Variants in SDF4 observed in about 807,000 individuals in gnomAD.
The protein encoded by SDF4 is 45 kDa calcium-binding protein.
SDF4 carries 22 observed loss-of-function variants against 34.2 expected under a neutral mutation model. The observed-to-expected ratio is 0.64, with a 90% CI of 0.46 to 0.92. The LOEUF (loss-of-function observed/expected upper bound fraction) is 0.92, where lower values mean the gene tolerates loss of function less well. SDF4 is among the 40% of genes least tolerant of loss of function. The probability of loss-of-function intolerance (pLI) is 0.00; values close to 1 mark genes in which losing one functional copy is unlikely to be tolerated. For synonymous variants in SDF4, 236 were observed against 203.1 expected (o/e 1.16, Z -1.38); for missense variants, 447 against 499.9 (o/e 0.89, Z 1.01).
At chr1:1,229,782 A>G (rs1316902335) in intron 1 of SDF4, among the ~76,000 whole-genome samples, 1 of 152,160 alleles carries the variant, frequency 6.6e-6, no homozygotes, top group Non-Finnish European at 1.5e-5. Flanking sequence ...ACTAAGAAAC[A>G]GGAGGCTCCC....
intron 1 of SDF4, among the ~76,000 whole-genome samples, chr1:1,231,181 C>CTATT (rs1165202117): frequency 1.3e-5 from 2 of 152,234 alleles, no homozygotes; most frequent in Non-Finnish European, 2.9e-5. Flanking sequence ...TTCAGAGTAT[C>CTATT]TATTCATCAC....
At chr1:1,230,462 A>ATT (rs553378637) in intron 1 of SDF4, among the ~76,000 whole-genome samples, 28 of 144,026 alleles carry the variant, frequency 1.9e-4, no homozygotes, top group South Asian at 4.4e-4. Context: ...CTCATGTCTG[A>ATT]TTTTTTTTTT....
intron 2 of SDF4, chr1:1,227,366 C>T (rs1288768172): frequency 3.3e-5 from 4 of 120,414 alleles, no homozygotes; most frequent in South Asian, 2.4e-4. Context: ...AAGGCGAGCT[C>T]GTGGCCAGGC....
chr1:1,220,325 G>C (rs998701539), intron 4 of SDF4: 1 of 1,100,986 alleles, frequency 9.1e-7, no homozygotes, highest in African/African-American at 1.6e-5. Flanking sequence ...GGAAGGGAGT[G>C]ATGCCCGCCT....
intron 4 of SDF4, chr1:1,219,316 A>T (rs1649762615): frequency 8.7e-7 from 1 of 1,148,922 alleles, no homozygotes; most frequent in African/African-American, 1.7e-5. Flanking sequence ...CTCTCAAGAC[A>T]TGATCCAGAA....
chr1:1,219,232 T>C (rs1160377733), intron 4 of SDF4: 1 of 576,884 alleles, frequency 1.7e-6, no homozygotes. Flanking sequence ...CCCCAATACA[T>C]GGATGGCCCT....
intron 1 of SDF4, among the ~76,000 whole-genome samples, chr1:1,231,234 C>G (rs1638483557): frequency 6.6e-6 from 1 of 152,206 alleles, no homozygotes; most frequent in African/African-American, 2.4e-5. Flanking sequence ...CCGGTCCCAC[C>G]GGAATGGGGT....
At chr1:1,221,793 G>A (rs143891067) in intron 4 of SDF4, among the ~76,000 whole-genome samples, 15 of 152,212 alleles carry the variant, frequency 9.9e-5, no homozygotes, top group South Asian at 8.3e-4. Flanking sequence ...GAATCTATCC[G>A]TACAAAAAAT....
At chr1:1,223,026 C>A (rs1650058489) in intron 4 of SDF4, 1 of 581,072 alleles carries the variant, frequency 1.7e-6, no homozygotes, top group Admixed American at 3.1e-5. Flanking sequence ...CACATGTACT[C>A]ACGAGCACAC....
chr1:1,228,972 T>C, intron 1 of SDF4, 26 bp from the exon 2 acceptor site: 1 of 591,078 alleles, frequency 1.7e-6, no homozygotes, highest in Non-Finnish European at 3.0e-6. Flanking sequence ...GACACATCAT[T>C]AGCAAGACTC....
At chr1:1,220,342 C>A in intron 4 of SDF4, 1 of 1,106,506 alleles carries the variant, frequency 9.0e-7, no homozygotes, top group Non-Finnish European at 1.1e-6. Context: ...GCCTGCCACG[C>A]CTTCACCGCG....
At position 1,217,468 on chromosome 1, in the gene SDF4, G is replaced by T; in HGVS notation, c.*44C>A. ...GGAGCCCGGAGTCACCCGCGAGGCC[G>T]CCCCGGTGGTGCGTGGGGGGCGGCG... On this transcript the variant is annotated 3_prime_UTR_variant, in exon 7 of 7. Transcript: ENST00000360001. This position sits in a 1 kb window ranked among gnomAD's most constrained non-coding sequence, Gnocchi z 8.5. 7.1e-7 allele frequency: 1 copy of T among 1,400,352 alleles called. No homozygotes were observed. The highest frequency in any genetic ancestry group is 9.3e-7 in the Non-Finnish European group (1 of 1,075,426). 86.7% of individuals were successfully genotyped at this position (1,400,352 alleles called of 1,614,324 possible).
At chr1:1,228,424 C>T (rs7515488) in intron 2 of SDF4, 44 bp downstream of exon 2, 242,001 of 1,537,778 alleles carry the variant, frequency 0.16, 19,436 homozygotes, top group African/African-American at 0.21. Context: ...CACAGGCGAG[C>T]GCACGCGGAC....
In SDF4 at chr1:1,223,346, A is replaced by T; in HGVS notation, c.454T>A (p.Trp152Arg). Residue 152 changes from tryptophan (W) to arginine (R), a missense_variant, in exon 4 of 7, where the codon TGG (tryptophan) becomes AGG (arginine). Trp to Arg is a moderately radical substitution (Grantham distance 101, BLOSUM62 -3). Coordinates refer to ENST00000360001, the MANE Select transcript of SDF4 (RefSeq NM_016176.6). ...AAAAACTTCACCTTATACTCGTCCCAAGACACGTGACCTGGAAGAGCAGAT... is the reference window on the plus strand; with the variant it reads ...AAAAACTTCACCTTATACTCGTCCCTAGACACGTGACCTGGAAGAGCAGAT... ...VDPDGDGHVS[W>R]DEYKVKFLAS... 2.5e-6 allele frequency: 4 copies of T among 1,610,670 alleles called. No individual in the cohort carries two copies. Among genetic ancestry groups the T allele is most frequent in the Non-Finnish European group, 3.4e-6 (4 of 1,177,856 alleles).
chr1:1,227,436 C>T (rs1286514349), intron 2 of SDF4: 1 of 149,508 alleles, frequency 6.7e-6, no homozygotes, highest in Non-Finnish European at 1.5e-5. Flanking sequence ...TGGCCAGGCC[C>T]TGCGGGAAGG....
At chr1:1,220,549 G>A in intron 4 of SDF4, 1 of 1,254,722 alleles carries the variant, frequency 8.0e-7, no homozygotes, top group South Asian at 1.3e-5. Flanking sequence ...GGGGGTCCTA[G>A]GCACCCTGAG....
rs1293713157 is a variant in SDF4 at position 1,217,901 on chromosome 1, G to A, written c.892-213C>T. 20 of 1,316,780 alleles carry A rather than the reference G, an allele frequency of 1.5e-5. No homozygotes were observed. Among genetic ancestry groups the A allele is most frequent in the South Asian group, 4.6e-5 (3 of 65,912 alleles). The allele number at this position is 1,316,780 out of a possible 1,614,324, so 81.6% of individuals were successfully genotyped here. On this transcript the variant is annotated intron_variant, in intron 6 of 6. Transcript: ENST00000360001. The surrounding 1 kb of genome is among the most constrained non-coding windows in gnomAD (Gnocchi z 8.5). ...CCTGCCCGGGGCCAGCAGGGGTAAC[G>A]GGGCACAGGGGCTACACAGGCCTGG...
chr1:1,231,413 G>A (rs554358168), intron 1 of SDF4, among the ~76,000 whole-genome samples: 53 of 152,386 alleles, frequency 3.5e-4, no homozygotes, highest in Non-Finnish European at 5.0e-4. Context: ...CACACGGTTA[G>A]ATTCTAAAAG....
chr1:1,229,167 G>C (rs1050335735), intron 1 of SDF4, among the ~76,000 whole-genome samples: 3 of 151,906 alleles, frequency 2.0e-5, no homozygotes, highest in Non-Finnish European at 4.4e-5. Flanking sequence ...CGTGGCATTT[G>C]TTTTCTCCGG....
Sources: gnomAD v4.1 joint callset for allele counts (sites outside exome capture counted in the v4.1 genomes callset) on GRCh38, gnomAD v4.1.1 for gene constraint, Gnocchi (gnomAD v3.1) non-coding constraint, MANE v1.5 for transcripts, NCBI Gene and HGNC (gene_info 2026-07-23, HGNC 2026-07-21) for gene names.